The following MED16 variants were observed in gnomAD, a reference collection of about 807,000 sequenced individuals.
MED16 encodes the protein mediator of RNA polymerase II transcription subunit 16.
A neutral mutation model predicts 84.4 loss-of-function variants in MED16; 81 were observed. The ratio of observed to expected loss-of-function variants is 0.96; its 90% CI spans 0.80 to 1.15. MED16 has a LOEUF of 1.15. Ranked by LOEUF, MED16 falls within the 50% of genes most tolerant of loss-of-function variation. The pLI is 0.00. For synonymous variants in MED16, 897 were observed against 552.2 expected, an observed-to-expected ratio of 1.62 and a Z score of -8.76; for missense variants, 1,585 against 1,245.9, an observed-to-expected ratio of 1.27 and a Z score of -4.10.
At chr19:886,610 CG>C (rs2036532147) in intron 4 of MED16, among the ~76,000 whole-genome samples, 2 of 152,214 alleles carry the variant, frequency 1.3e-5, no homozygotes, top group South Asian at 4.1e-4. Flanking sequence ...CAAACCCAGG[CG>C]GGGGCCGTCA....
At chr19:890,026 A>C in intron 3 of MED16, 111 bp downstream of exon 3, 1 of 873,732 alleles carries the variant, frequency 1.1e-6, no homozygotes, top group Non-Finnish European at 1.7e-6. Flanking sequence ...AAAGCTGCAG[A>C]CCAGGGGCTC....
At chr19:870,961 G>A (rs1219548899) in intron 13 of MED16, 76 bp downstream of exon 13, 5 of 1,408,122 alleles carry the variant, frequency 3.6e-6, no homozygotes, top group South Asian at 1.4e-5. Flanking sequence ...AGGGAGCCGT[G>A]TGGATTCGGG....
chr19:871,784 G>A lies in MED16; in HGVS notation c.2098+142C>T, dbSNP rs1212649044. On this transcript the variant is annotated intron_variant, in intron 12 of 15. Coordinates refer to ENST00000325464, the MANE Select transcript of MED16 (RefSeq NM_005481.3). ...GAGGGGAGCGGGGAGAGGGGAGAGGGGAGAGCGGGGAGAAGGGAGAGCGGG... is the reference window on the plus strand; with the variant it reads ...GAGGGGAGCGGGGAGAGGGGAGAGGAGAGAGCGGGGAGAAGGGAGAGCGGG... 36 of 406,904 alleles carry A rather than the reference G, an allele frequency of 8.8e-5. 1 individual carries two copies. The highest frequency in any genetic ancestry group is 1.3e-4 in the Non-Finnish European group (30 of 224,106). The allele number at this position is 406,904 out of a possible 1,614,324, so 25.2% of individuals were successfully genotyped here. A position where few individuals can be genotyped will look rare whatever the true frequency, so the allele number is the denominator to read the frequency against.
intron 13 of MED16, among the ~76,000 whole-genome samples, chr19:869,929 A>C (rs987468103): frequency 2.2e-4 from 34 of 152,056 alleles, no homozygotes; most frequent in African/African-American, 7.5e-4. Context: ...ACAAGGTCCC[A>C]CCCTTTCCAG....
In MED16 at chr19:879,930, A is replaced by C. The variant is rs746954572; in HGVS notation, c.1353+7T>G. 7.3e-5 allele frequency: 117 copies of C among 1,593,062 alleles called. No individual in the cohort carries two copies. The highest frequency in any genetic ancestry group is 1.3e-5 in the African/African-American group (1 of 74,352). On this transcript the variant is annotated splice_region_variant and intron_variant, in intron 8 of 15. Coordinates refer to ENST00000325464, the MANE Select transcript of MED16 (RefSeq NM_005481.3). The stretch of plus-strand genomic sequence containing the variant: ...CAGCCCCGGCCCCACGTGCCCCAGC[A>C]GCTCACCTTCCCGTGGCTGTCAATC...
At position 885,908 on chromosome 19, in the gene MED16, G is replaced by A. The variant is rs116674441; in HGVS notation, c.741C>T (p.Ser247=). ...CGATACGGCACTTCTCGCTCACCAC[G>A]CTCACGCACACCTTGTAGAACTGCA... ...SPVQFYKVCV[S]VVSEKCRIDT... Residue 247 remains serine, a synonymous_variant, in exon 5 of 16, where the codon AGC becomes AGT. Coordinates refer to ENST00000325464, the MANE Select transcript of MED16 (RefSeq NM_005481.3). 1,152 of 1,613,576 alleles carry A rather than the reference G, an allele frequency of 7.1e-4. 12 individuals are homozygous for A. In the African/African-American group the frequency reaches 0.014, roughly 19 times the overall value.
At chr19:891,340 C>T (rs796597768) in intron 1 of MED16, among the ~76,000 whole-genome samples, 191 bp from the exon 2 acceptor site, 19 of 152,274 alleles carry the variant, frequency 1.2e-4, no homozygotes, top group African/African-American at 4.3e-4. Context: ...CAGTCCTGGG[C>T]CTGTGGGCTT....
chr19:871,560 T>C (rs776037925), intron 12 of MED16: 46 of 1,591,948 alleles, frequency 2.9e-5, no homozygotes, highest in Non-Finnish European at 3.9e-5. Context: ...CAGCTCACCC[T>C]CCTCACATAC....
intron 10 of MED16, among the ~76,000 whole-genome samples, chr19:874,051 C>T (rs1205174417): frequency 2.6e-5 from 4 of 152,176 alleles, no homozygotes; most frequent in African/African-American, 7.2e-5. Context: ...ACTGTGCACA[C>T]GGCTCCCAGC....
In MED16 at chr19:876,951, C is replaced by T. The variant is rs764396367; in HGVS notation, c.1560+23G>A. The T allele has an allele frequency of 1.8e-5, 28 of 1,599,034 alleles. No homozygotes were observed. The South Asian group carries it at 2.9e-4, about 16-fold the overall frequency. On this transcript the variant is annotated intron_variant, in intron 9 of 15. Coordinates refer to ENST00000325464, the MANE Select transcript of MED16 (RefSeq NM_005481.3). ...CACAGGGCCCCCACCTGCCACGGGGCCCCACCTGCCACGGGCCCCCACCTG... is the reference window on the plus strand; with the variant it reads ...CACAGGGCCCCCACCTGCCACGGGGTCCCACCTGCCACGGGCCCCCACCTG...
chr19:877,786 AGCCC>A (rs1162006818), intron 8 of MED16, among the ~76,000 whole-genome samples: 1 of 46,050 alleles, frequency 2.2e-5, no homozygotes, highest in African/African-American at 8.7e-5. Flanking sequence ...CCCCAGCCCC[AGCCC>A]CAGCCCCACG....
In MED16 at chr19:868,153, G is replaced by A. The variant is rs137959900; in HGVS notation, c.2582C>T (p.Ser861Phe). 28 of 1,611,726 alleles carry A rather than the reference G, an allele frequency of 1.7e-5. No homozygotes were observed. Among genetic ancestry groups the A allele is most frequent in the Admixed American group, 3.3e-5 (2 of 59,840 alleles). The change falls in exon 16 of 16, where the codon TCT (serine) becomes TTT (phenylalanine). Residue 861 changes from serine (S) to phenylalanine (F), a missense_variant. Coordinates refer to ENST00000325464, the MANE Select transcript of MED16 (RefSeq NM_005481.3). ...VQLGPQSTHH[S>F]PRTPRSLDHL... ...GTCCAGGGATCTGGGGGTCCTGGGA[G>A]AGTGGTGTGTGGACTGCGGGCCCAG...
chr19:870,281 G>C (rs1011006929), intron 13 of MED16, among the ~76,000 whole-genome samples: 1 of 152,176 alleles, frequency 6.6e-6, no homozygotes, highest in African/African-American at 2.4e-5. Context: ...CCAAGGCAAG[G>C]CCGGGGCGGT....
In MED16 at chr19:871,058, A is replaced by G. The variant is rs1237036068; in HGVS notation, c.2294T>C (p.Leu765Pro). Residue 765 changes from leucine (L) to proline (P), a missense_variant, in exon 13 of 16, where the codon CTG (leucine) becomes CCG (proline). By Grantham distance (98) the Leu-to-Pro change is moderately conservative. Transcript: ENST00000325464. The stretch of plus-strand genomic sequence containing the variant: ...GCACCTGGCGAGGCCGTCGAGCTGC[A>G]GGGTGGCAGCACTGCCAGGCAGCGT... ...APTLPGSAATLQLDGLARAPG... is the reference protein window; with the variant it reads ...APTLPGSAATPQLDGLARAPG... The G allele has an allele frequency of 6.5e-7, 1 of 1,544,540 alleles. No homozygotes were observed. The highest frequency in any genetic ancestry group is 1.4e-5 in the African/African-American group (1 of 72,996).
At position 868,487 on chromosome 19, in the gene MED16, G is replaced by C. The variant is rs779120195; in HGVS notation, c.2412C>G (p.Val804=). The C allele has an allele frequency of 2.9e-5, 46 of 1,610,546 alleles. No individual in the cohort carries two copies. Among genetic ancestry groups the C allele is most frequent in the Non-Finnish European group, 3.8e-5 (45 of 1,179,862 alleles). The part of the protein sequence containing the change: ...ECKACTRCGC[V]TMLKSPNRTT... ...TTCTGTTGGGCGACTTGAGCATGGT[G>C]ACACAGCCGCACCTGCGGGGAGGCA... Residue 804 remains valine (V), a synonymous_variant, in exon 15 of 16, where the codon GTC becomes GTG. Coordinates refer to ENST00000325464, the MANE Select transcript of MED16 (RefSeq NM_005481.3).
At chr19:885,532 G>A (rs569302783) in intron 5 of MED16, among the ~76,000 whole-genome samples, 2 of 152,284 alleles carry the variant, frequency 1.3e-5, no homozygotes, top group African/African-American at 4.8e-5. Flanking sequence ...GAGACAGGAA[G>A]AGGCTGCGCT....
chr19:874,729 C>A (rs200464312), intron 10 of MED16, among the ~76,000 whole-genome samples: 1 of 151,944 alleles, frequency 6.6e-6, no homozygotes, highest in South Asian at 2.1e-4. Context: ...AATTAAAAAC[C>A]GGGTGTGGTG....
At chr19:879,131 C>G (rs2036347076) in intron 8 of MED16, among the ~76,000 whole-genome samples, 1 of 142,980 alleles carries the variant, frequency 7.0e-6, no homozygotes. Flanking sequence ...CCCCCAGCCC[C>G]AGCCCCAGCC....
chr19:871,485 C>CA (rs1273107090), intron 12 of MED16: 1 of 1,473,178 alleles, frequency 6.8e-7, no homozygotes, highest in South Asian at 1.3e-5. Context: ...GAGACTCCCT[C>CA]ATTCACTTAA....
Sources: gnomAD v4.1 joint callset for allele counts (sites outside exome capture counted in the v4.1 genomes callset) on GRCh38, gnomAD v4.1.1 for gene constraint, MANE v1.5 for transcripts, NCBI Gene and HGNC (gene_info 2026-07-23, HGNC 2026-07-21) for gene names.